Variants in GRAMD1B observed in about 807,000 individuals in gnomAD.
GRAMD1B encodes protein Aster-B.
A neutral mutation model predicts 99.7 loss-of-function variants in GRAMD1B; 37 were observed. The observed-to-expected ratio is 0.37, with a 90% CI of 0.29 to 0.49. The LOEUF is 0.49. GRAMD1B is among the 20% of genes least tolerant of loss of function. The pLI, the probability that GRAMD1B is intolerant of heterozygous loss-of-function variation, is 0.98. For missense variants in GRAMD1B, 888 were observed against 1,009.2 expected (o/e 0.88, Z 1.63); for synonymous variants, 427 against 387.6 (o/e 1.10, Z -1.19).
intron 1 of GRAMD1B, among the ~76,000 whole-genome samples, chr11:123,361,710 C>A (rs1946152102): frequency 6.6e-6 from 1 of 152,122 alleles, no homozygotes; most frequent in Non-Finnish European, 1.5e-5. Flanking sequence ...TCCATATACC[C>A]TTTATTGTGG....
intron 1 of GRAMD1B, among the ~76,000 whole-genome samples, chr11:123,476,232 C>T (rs1951265827): frequency 6.6e-6 from 1 of 152,008 alleles, no homozygotes; most frequent in African/African-American, 2.4e-5. Flanking sequence ...TCCCGAGTAG[C>T]TGGGATTATA....
At chr11:123,429,617 C>T (rs1339139912), upstream of GRAMD1B, among the ~76,000 whole-genome samples, 3 of 152,130 alleles carry the variant, frequency 2.0e-5, no homozygotes, top group Non-Finnish European at 2.9e-5. The surrounding 1 kb of genome is among the most constrained non-coding windows in gnomAD (Gnocchi z 4.0). Flanking sequence ...GCTAGGGACG[C>T]GGCTATGGTA....
intron 1 of GRAMD1B, among the ~76,000 whole-genome samples, chr11:123,405,722 A>G (rs1374086880): frequency 6.6e-6 from 1 of 152,186 alleles, no homozygotes; most frequent in East Asian, 1.9e-4. Flanking sequence ...AAGATTCTGG[A>G]GGACTTTAGC....
intron 2 of GRAMD1B, among the ~76,000 whole-genome samples, chr11:123,550,483 ACC>A (rs1036099663): frequency 1.3e-5 from 2 of 152,136 alleles, no homozygotes; most frequent in Non-Finnish European, 2.9e-5. Context: ...CAGCACAGGA[ACC>A]TAACAATAGT....
chr11:123,446,554 G>C (rs1017651222), intron 1 of GRAMD1B, among the ~76,000 whole-genome samples: 1 of 152,178 alleles, frequency 6.6e-6, no homozygotes, highest in Non-Finnish European at 1.5e-5. Context: ...AGAGAGGACA[G>C]TCGCCTGCCC....
chr11:123,570,353 G>A (rs1565388998), intron 2 of GRAMD1B, among the ~76,000 whole-genome samples: 1 of 151,964 alleles, frequency 6.6e-6, no homozygotes, highest in Admixed American at 6.6e-5. Flanking sequence ...CACCTCTGAG[G>A]AAAGTGGACA....
At chr11:123,419,012 T>C (rs972058825) in intron 1 of GRAMD1B, among the ~76,000 whole-genome samples, 2 of 152,120 alleles carry the variant, frequency 1.3e-5, no homozygotes, top group African/African-American at 4.8e-5. Flanking sequence ...CGATACAAGG[T>C]GGGAAATGAT....
rs1267808672 is a variant in GRAMD1B at position 123,602,888 on chromosome 11, A to G, written c.1051-538A>G. Among the ~76,000 whole-genome samples the G allele has an allele frequency of 4.6e-5, 7 of 152,204 alleles. 1 individual carries two copies. The highest frequency in any genetic ancestry group is 8.8e-5 in the Non-Finnish European group (6 of 68,030). On this transcript the variant is annotated intron_variant, in intron 8 of 19. Coordinates refer to ENST00000635736, the MANE Select transcript of GRAMD1B (RefSeq NM_001387025.1). ...GGGAACGTAAGACTCTACCCATAGG[A>G]ACTGTCCAGCTATGGAATGGGCCAC...
At chr11:123,441,485 T>TA (rs1363913403) in intron 1 of GRAMD1B, among the ~76,000 whole-genome samples, 1 of 151,842 alleles carries the variant, frequency 6.6e-6, no homozygotes, top group East Asian at 1.9e-4. Context: ...ACAACAAATT[T>TA]AAAAAATTAG....
chr11:123,415,887 A>C (rs1948218418), intron 1 of GRAMD1B, among the ~76,000 whole-genome samples: 1 of 152,268 alleles, frequency 6.6e-6, no homozygotes, highest in South Asian at 2.1e-4. Flanking sequence ...ATGCACATAC[A>C]CACAGCCTTT....
chr11:123,369,149 A>C (rs976425616), intron 1 of GRAMD1B, among the ~76,000 whole-genome samples: 13 of 152,004 alleles, frequency 8.6e-5, no homozygotes, highest in Non-Finnish European at 1.3e-4. Context: ...GAAATGCAAA[A>C]AGTTAGCCAG....
intron 1 of GRAMD1B, 96 bp downstream of exon 1, chr11:123,431,262 A>G: frequency 3.3e-6 from 2 of 599,730 alleles, no homozygotes; most frequent in Non-Finnish European, 6.0e-6. Flanking sequence ...GTCCTGGGGG[A>G]GAACAGGAGC....
chr11:123,543,542 C>T (rs12291955), intron 2 of GRAMD1B, among the ~76,000 whole-genome samples: 12,912 of 152,198 alleles, frequency 0.085, 1,498 homozygotes, highest in African/African-American at 0.26. Flanking sequence ...GAAAAAGAAA[C>T]CTTTGAAGTG....
intron 1 of GRAMD1B, among the ~76,000 whole-genome samples, chr11:123,456,919 C>CAA (rs546768047): frequency 1.1e-3 from 88 of 81,752 alleles, no homozygotes; most frequent in South Asian, 3.3e-3. Flanking sequence ...GACTCTGTCT[C>CAA]AAAAAAAAAA....
intron 2 of GRAMD1B, among the ~76,000 whole-genome samples, chr11:123,515,424 G>A (rs1031736063): frequency 3.9e-5 from 6 of 152,250 alleles, no homozygotes; most frequent in Middle Eastern, 3.4e-3. Context: ...CCGTTCAAAG[G>A]CAATACTCAT....
chr11:123,438,009 A>C (rs1278046260), intron 1 of GRAMD1B, among the ~76,000 whole-genome samples: 1 of 152,218 alleles, frequency 6.6e-6, no homozygotes, highest in Non-Finnish European at 1.5e-5. Flanking sequence ...AAAGCAAAGA[A>C]CAAATGCAAA....
intron 1 of GRAMD1B, among the ~76,000 whole-genome samples, chr11:123,431,776 G>A (rs1948904925): frequency 6.6e-6 from 1 of 152,220 alleles, no homozygotes; most frequent in Non-Finnish European, 1.5e-5. Flanking sequence ...CTACAAGACT[G>A]TGGTTTGTAC....
At chr11:123,544,864 C>T (rs956621940) in intron 2 of GRAMD1B, among the ~76,000 whole-genome samples, 1 of 152,244 alleles carries the variant, frequency 6.6e-6, no homozygotes, top group Admixed American at 6.5e-5. Context: ...GGACAGCGAG[C>T]TCTTTTCTTT....
rs575520341 is a variant in GRAMD1B at position 123,430,486 on chromosome 11, G to A, written c.-307G>A. On this transcript the variant is annotated 5_prime_UTR_variant, in exon 1 of 20. Transcript: ENST00000635736. ...AGCGCAGCGGAAGAAAAACAAGCGG[G>A]CGCGCGAGGGGAGCCCCAGGAGGGC... 7 of 373,662 alleles carry A rather than the reference G, an allele frequency of 1.9e-5. No individual in the cohort carries two copies. Among genetic ancestry groups the A allele is most frequent in the African/African-American group, 1.5e-4 (7 of 47,414 alleles). The allele number at this position is 373,662 out of a possible 1,614,324, so 23.1% of individuals were successfully genotyped here.
Sources: allele counts gnomAD v4.1 joint callset (sites outside exome capture counted in the v4.1 genomes callset), GRCh38; gene constraint gnomAD v4.1.1; non-coding constraint Gnocchi (gnomAD v3.1); transcripts MANE v1.5; gene names NCBI Gene and HGNC (gene_info 2026-07-23, HGNC 2026-07-21).